DNM3: variants seen among roughly 807,000 people sequenced by gnomAD.
DNM3 encodes the protein dynamin-3.
In DNM3, 47 loss-of-function variants were observed where a neutral mutation model predicts 101.6. The observed-to-expected ratio is 0.46, with a 90% CI of 0.37 to 0.59. DNM3 has a LOEUF of 0.59. Among genes scored for constraint, DNM3 ranks in the 20% least tolerant of loss-of-function variants. DNM3 has a pLI of 0.00. For missense variants in DNM3, 849 were observed against 1,085.7 expected, an observed-to-expected ratio of 0.78 and a Z score of 3.06; for synonymous variants, 385 against 387.9, an observed-to-expected ratio of 0.99 and a Z score of 0.09.
At chr1:172,139,238 A>C in intron 14 of DNM3, 1 of 208,346 alleles carries the variant, frequency 4.8e-6, no homozygotes, top group Non-Finnish European at 9.8e-6. Flanking sequence ...AGCGTAATTG[A>C]ACCAGATGTT....
intron 10 of DNM3, among the ~76,000 whole-genome samples, chr1:172,052,378 A>T (rs2050265066): frequency 6.6e-6 from 1 of 152,164 alleles, no homozygotes; most frequent in African/African-American, 2.4e-5. Flanking sequence ...AAATCAACAT[A>T]TAAATATATC....
Position 172,081,832 on chromosome 1 carries a change from G to A in DNM3, c.1423G>A (p.Val475Ile), listed in dbSNP as rs924454995. The A allele has an allele frequency of 1.3e-5, 21 of 1,611,328 alleles. No individual in the cohort carries two copies. The highest frequency in any genetic ancestry group is 1.8e-5 in the Non-Finnish European group (21 of 1,178,712). Residue 475 changes from valine to isoleucine, a missense_variant and splice_region_variant, in exon 12 of 21, where the codon GTA (valine) becomes ATA (isoleucine). By Grantham distance (29) the Val-to-Ile change is conservative. This residue lies in a region of DNM3 where 193 missense variants were observed against 238.4 expected (regional missense o/e 0.81). Transcript: ENST00000627582. ...REREGKTKDQ[V>I]LLLIDIQVSY... The stretch of plus-strand genomic sequence containing the variant: ...TGAAGTGTTTCTCTTTGACTTATAG[G>A]TATTGCTATTGATTGACATTCAAGT...
At chr1:172,260,973 G>C (rs1489397365) in intron 15 of DNM3, among the ~76,000 whole-genome samples, 1 of 148,558 alleles carries the variant, frequency 6.7e-6, no homozygotes, top group Non-Finnish European at 1.5e-5. Flanking sequence ...TCCTTCTTTT[G>C]AGACAGGGCT....
chr1:171,862,210 A>G (rs1043225358), intron 1 of DNM3, among the ~76,000 whole-genome samples: 2 of 152,178 alleles, frequency 1.3e-5, no homozygotes, highest in African/African-American at 2.4e-5. Flanking sequence ...ATAATGTTAT[A>G]CGAAACAATT....
chr1:172,003,191 T>C (rs951318335), intron 4 of DNM3, among the ~76,000 whole-genome samples: 1 of 152,048 alleles, frequency 6.6e-6, no homozygotes. Context: ...TAAAAGTGTT[T>C]AATAATGATG....
rs377078191 is a variant in DNM3 at position 172,407,778 on chromosome 1, A to G, written c.2529A>G (p.Arg843=). ...TRAPPSVPSR[R]PPPSPTRPTI... ...TCTCTTTTTCTCTTTCTAGCCGGAGACCACCCCCATCACCAACTCGTCCCA... is the reference window on the plus strand; with the variant it reads ...TCTCTTTTTCTCTTTCTAGCCGGAGGCCACCCCCATCACCAACTCGTCCCA... The change falls in exon 21 of 21, where the codon AGA becomes AGG. Residue 843 remains arginine (R), a synonymous_variant. Transcript: ENST00000627582. 1 of 1,612,872 alleles carries G rather than the reference A, an allele frequency of 6.2e-7. No individual in the cohort carries two copies. Among genetic ancestry groups the G allele is most frequent in the Non-Finnish European group, 8.5e-7 (1 of 1,179,238 alleles).
intron 11 of DNM3, among the ~76,000 whole-genome samples, chr1:172,078,867 T>G (rs1558534567): frequency 6.6e-6 from 1 of 152,228 alleles, no homozygotes; most frequent in Non-Finnish European, 1.5e-5. Flanking sequence ...GAGTTTATTT[T>G]TCCTTCACTT....
Position 172,337,855 on chromosome 1 carries a change from A to AT in DNM3, c.1893+14519dup, listed in dbSNP as rs1200912016. On this transcript the variant is annotated intron_variant, in intron 17 of 20. Coordinates refer to ENST00000627582, the MANE Select transcript of DNM3 (RefSeq NM_015569.5). ...GGGAGTATTCATTTTATTTTATTTT[A>AT]TTTTATTTTATTTTTATTTTATTTT... Among the ~76,000 whole-genome samples, 326 of 135,396 alleles carry AT rather than the reference A, an allele frequency of 2.4e-3. 4 individuals are homozygous for AT. Among genetic ancestry groups the AT allele is most frequent in the African/African-American group, 7.9e-3 (295 of 37,282 alleles). The allele number at this position is 135,396 out of a possible 152,430, so 88.8% of individuals were successfully genotyped here.
intron 4 of DNM3, among the ~76,000 whole-genome samples, chr1:172,018,895 C>T (rs967980572): frequency 1.3e-5 from 2 of 151,824 alleles, no homozygotes; most frequent in Non-Finnish European, 2.9e-5. Context: ...GAAGTAATTC[C>T]ACTGGCAACA....
intron 14 of DNM3, among the ~76,000 whole-genome samples, chr1:172,203,330 T>C (rs1558720876): frequency 6.6e-6 from 1 of 152,170 alleles, no homozygotes; most frequent in Non-Finnish European, 1.5e-5. Context: ...TGCATTTCAT[T>C]GATGTGTTCC....
Position 172,040,946 on chromosome 1 carries a change from G to A in DNM3, c.993-1063G>A, listed in dbSNP as rs976368077. Among the ~76,000 whole-genome samples, 174 of 152,174 alleles carry A rather than the reference G, an allele frequency of 1.1e-3. 2 individuals carry two copies. Among genetic ancestry groups the A allele is most frequent in the Non-Finnish European group, 2.9e-5 (2 of 67,994 alleles). On this transcript the variant is annotated intron_variant, in intron 7 of 20. Transcript: ENST00000627582. The stretch of plus-strand genomic sequence containing the variant: ...GAGTTGGATGAGTGGTAAGAGATGG[G>A]GCTGAAGAGGCAGCCAAAGCCAGAC...
intron 20 of DNM3, among the ~76,000 whole-genome samples, chr1:172,396,761 C>T (rs1366423308): frequency 6.6e-6 from 1 of 152,092 alleles, no homozygotes; most frequent in African/African-American, 2.4e-5. Context: ...TCTAAATTTA[C>T]TGTTCGTCTG....
intron 2 of DNM3, among the ~76,000 whole-genome samples, chr1:171,966,682 T>A (rs75368996): frequency 0.07 from 10,638 of 152,196 alleles, 1,195 homozygotes; most frequent in African/African-American, 0.24. Context: ...CTATCCATAT[T>A]TACAAGAGGA....
intron 14 of DNM3, among the ~76,000 whole-genome samples, chr1:172,210,109 G>C (rs1433451746): frequency 6.6e-6 from 1 of 151,972 alleles, no homozygotes; most frequent in African/African-American, 2.4e-5. Flanking sequence ...ATGTGAGTTA[G>C]GTAAGGAAGG....
chr1:171,891,533 CTATCCAGGATCA>C (rs1459725226), intron 1 of DNM3, among the ~76,000 whole-genome samples: 1 of 152,066 alleles, frequency 6.6e-6, no homozygotes, highest in South Asian at 2.1e-4. Context: ...TTGCCTTTTT[CTATCCAGGATCA>C]TATCCAGGAT....
intron 14 of DNM3, among the ~76,000 whole-genome samples, chr1:172,178,816 G>C (rs1448269130): frequency 3.9e-5 from 6 of 151,918 alleles, no homozygotes; most frequent in African/African-American, 1.4e-4. Context: ...CAATACAATG[G>C]TAAAGACAGA....
intron 14 of DNM3, among the ~76,000 whole-genome samples, chr1:172,156,381 A>G (rs552644772): frequency 5.9e-5 from 9 of 152,194 alleles, no homozygotes; most frequent in Non-Finnish European, 1.3e-4. Flanking sequence ...CTGTAGTACT[A>G]ACAGACTGTG....
intron 14 of DNM3, chr1:172,140,729 T>C (rs891526699): frequency 6.6e-6 from 1 of 151,998 alleles, no homozygotes; most frequent in Non-Finnish European, 1.5e-5. Flanking sequence ...AAAAAAAATC[T>C]TGCTGAAAAC....
intron 2 of DNM3, among the ~76,000 whole-genome samples, chr1:171,941,861 T>C (rs1347528938): frequency 6.6e-6 from 1 of 152,186 alleles, no homozygotes; most frequent in African/African-American, 2.4e-5. Context: ...ATGTATATAA[T>C]AAAACTGAGT....
Sources: allele counts gnomAD v4.1 joint callset (sites outside exome capture counted in the v4.1 genomes callset), GRCh38; gene constraint gnomAD v4.1.1; regional missense constraint gnomAD v4.1.1; transcripts MANE v1.5; gene names NCBI Gene and HGNC (gene_info 2026-07-23, HGNC 2026-07-21).